The following PIP5K1C variants were observed in gnomAD, a reference collection of about 807,000 sequenced individuals.
PIP5K1C encodes the protein phosphatidylinositol 4-phosphate 5-kinase type-1 gamma.
Under a neutral mutation model 80.1 loss-of-function variants are expected in PIP5K1C, and 45 were observed. That is an observed-to-expected ratio of 0.56 (90% confidence interval 0.44 to 0.72). PIP5K1C has a LOEUF of 0.72. PIP5K1C is among the 30% of genes least tolerant of loss of function. The pLI, the probability that PIP5K1C is intolerant of heterozygous loss-of-function variation, is 0.00. For missense variants in PIP5K1C, 753 were observed against 954.6 expected, an observed-to-expected ratio of 0.79 and a Z score of 2.78; for synonymous variants, 498 against 420.1, an observed-to-expected ratio of 1.19 and a Z score of -2.27.
At chr19:3,639,907 T>G (rs888168784) in intron 15 of PIP5K1C, among the ~76,000 whole-genome samples, 1 of 152,206 alleles carries the variant, frequency 6.6e-6, no homozygotes, top group Non-Finnish European at 1.5e-5. Context: ...GGCCACACGG[T>G]GCATCGTGTT....
chr19:3,687,885 C>T (rs1023509783), intron 1 of PIP5K1C, among the ~76,000 whole-genome samples: 1 of 152,198 alleles, frequency 6.6e-6, no homozygotes, highest in Non-Finnish European at 1.5e-5. Context: ...CGCAGGCGGG[C>T]GGAGCATCCA....
At chr19:3,689,204 C>A (rs1180252694) in intron 1 of PIP5K1C, among the ~76,000 whole-genome samples, 2 of 152,154 alleles carry the variant, frequency 1.3e-5, no homozygotes, top group Non-Finnish European at 1.5e-5. Flanking sequence ...AAATAACACG[C>A]CTTGAAATAA....
At chr19:3,636,929 G>A (rs2033711414) in intron 16 of PIP5K1C, 1 of 1,007,808 alleles carries the variant, frequency 9.9e-7, no homozygotes, top group Non-Finnish European at 1.2e-6. Context: ...GGCCCATGTG[G>A]CGTCCCAGGG....
intron 1 of PIP5K1C, among the ~76,000 whole-genome samples, chr19:3,678,557 A>AGGAGGGAT (rs2035481085): frequency 2.1e-5 from 1 of 47,016 alleles, no homozygotes; most frequent in Non-Finnish European, 4.1e-5. Flanking sequence ...GAGAGATGGA[A>AGGAGGGAT]GGAGGGATGG....
rs1414486752 is a variant in PIP5K1C at position 3,697,074 on chromosome 19, C to A, written c.94+3223G>T. ...CTGGACCGGGGAGGACCGAGCTGGA[C>A]CAAGGAGGACCGAGCTGGACCGAGG... On this transcript the variant is annotated intron_variant, in intron 1 of 17. Transcript: ENST00000335312. Among the ~76,000 whole-genome samples the A allele has an allele frequency of 2.7e-5, 4 of 147,000 alleles. No homozygotes were observed. In the South Asian group the frequency reaches 6.4e-4, roughly 24 times the overall value.
rs577415979 is a variant in PIP5K1C, at chr19:3,647,496, C to G, written c.1212-110G>C. 784 of 942,322 alleles carry G rather than the reference C, an allele frequency of 8.3e-4. 6 individuals are homozygous for G. In the African/African-American group the frequency reaches 0.011, roughly 13 times the overall value. 58.4% of individuals were successfully genotyped at this position (942,322 alleles called of 1,614,324 possible). On this transcript the variant is annotated intron_variant, in intron 9 of 17. Transcript: ENST00000335312. The stretch of plus-strand genomic sequence containing the variant: ...CAGGACACTGGGCCATGGCCTCAAG[C>G]AGTCGTGGCTGTCAAAACTCAGGGT...
chr19:3,667,364 G>C lies in PIP5K1C; in HGVS notation c.95-11C>G. 6.2e-7 allele frequency: 1 copy of C among 1,612,988 alleles called. No homozygotes were observed. Among genetic ancestry groups the C allele is most frequent in the Non-Finnish European group, 8.5e-7 (1 of 1,179,912 alleles). On this transcript the variant is annotated splice_polypyrimidine_tract_variant and intron_variant, in intron 1 of 17. Transcript: ENST00000335312. ...TCTTCTGAGCCAAACCTGCAGAAGA[G>C]ACAAGCTGGGTATCAGACAGGAAAC... is the stretch of plus-strand genomic sequence containing the variant.
intron 1 of PIP5K1C, among the ~76,000 whole-genome samples, chr19:3,676,551 C>T (rs1165798550): frequency 6.6e-6 from 1 of 152,242 alleles, no homozygotes; most frequent in African/African-American, 2.4e-5. Flanking sequence ...TCGCCCCCCA[C>T]GGCCCACTCC....
Position 3,648,454 on chromosome 19 carries a change from T to C in PIP5K1C, c.1211+171A>G, listed in dbSNP as rs1321687927. On this transcript the variant is annotated intron_variant, in intron 9 of 17. Transcript: ENST00000335312. The surrounding 1 kb of genome is among the most constrained non-coding windows in gnomAD (Gnocchi z 4.3). ...CTGTTTCCACGGGCAAGCGCCTCTGTGCATGGGTGTCCTGGGGGCGCCCAT... is the reference window on the plus strand; with the variant it reads ...CTGTTTCCACGGGCAAGCGCCTCTGCGCATGGGTGTCCTGGGGGCGCCCAT... 6.6e-6 allele frequency among the ~76,000 whole-genome samples: 1 copy of C among 152,102 alleles called. No individual in the cohort carries two copies. Among genetic ancestry groups the C allele is most frequent in the African/African-American group, 2.4e-5 (1 of 41,420 alleles).
At chr19:3,670,930 T>C (rs1234341731) in intron 1 of PIP5K1C, among the ~76,000 whole-genome samples, 1 of 152,064 alleles carries the variant, frequency 6.6e-6, no homozygotes, top group Non-Finnish European at 1.5e-5. Context: ...CGCCCCCAGG[T>C]CTCTGACAGG....
chr19:3,694,641 C>G (rs2036045674), intron 1 of PIP5K1C, among the ~76,000 whole-genome samples: 1 of 152,254 alleles, frequency 6.6e-6, no homozygotes, highest in Non-Finnish European at 1.5e-5. Context: ...AGGTCCGACC[C>G]CACGCGACCC....
intron 3 of PIP5K1C, among the ~76,000 whole-genome samples, chr19:3,663,528 CATCAAACCACAGGG>C (rs1376357036): frequency 6.6e-6 from 1 of 152,228 alleles, no homozygotes; most frequent in Non-Finnish European, 1.5e-5. Flanking sequence ...AGGGAAAGCA[CATCAAACCACAGGG>C]GGGCCACGCA....
Position 3,631,702 on chromosome 19 carries a change from A to T in PIP5K1C, c.*1465T>A, listed in dbSNP as rs2033475953. The T allele has an allele frequency of 6.6e-6, 1 of 152,396 alleles. No homozygotes were observed. The highest frequency in any genetic ancestry group is 1.5e-5 in the Non-Finnish European group (1 of 68,190). 9.4% of individuals were successfully genotyped at this position (152,396 alleles called of 1,614,324 possible). ...TCCACAGCAGGGGCCTTCCGGGCGC[A>T]GCGTGTGGGCTGTGCAGGAGGCCGA... On this transcript the variant is annotated 3_prime_UTR_variant, in exon 18 of 18. Transcript: ENST00000335312.
Position 3,652,084 on chromosome 19 carries a change from C to T in PIP5K1C, c.922-53G>A, listed in dbSNP as rs1219462743. ...CGCCGTCAGCCGTCTCTATCCCCCA[C>T]AACGGCTCCCGGACCCTATGGGGTT... On this transcript the variant is annotated intron_variant, in intron 7 of 17. Transcript: ENST00000335312. 3 of 1,566,586 alleles carry T rather than the reference C, an allele frequency of 1.9e-6. No individual in the cohort carries two copies. In the African/African-American group the frequency reaches 4.1e-5, roughly 21 times the overall value.
chr19:3,644,361 C>T, intron 11 of PIP5K1C, 110 bp from the exon 12 acceptor site: 1 of 1,092,200 alleles, frequency 9.2e-7, no homozygotes, highest in East Asian at 2.5e-5. Context: ...CACCAGACCC[C>T]TACCGGTCCC....
chr19:3,678,970 G>A (rs1457140786), intron 1 of PIP5K1C, among the ~76,000 whole-genome samples: 7 of 149,750 alleles, frequency 4.7e-5, no homozygotes, highest in African/African-American at 1.7e-4. Flanking sequence ...GAGGATGAAG[G>A]GATGGCAAGA....
chr19:3,636,914 C>G (rs747563798), intron 16 of PIP5K1C: 1 of 1,006,664 alleles, frequency 9.9e-7, no homozygotes, highest in Non-Finnish European at 1.2e-6. Context: ...CTCACAGCTA[C>G]GTGGGGCCCA....
intron 1 of PIP5K1C, among the ~76,000 whole-genome samples, chr19:3,691,678 T>C (rs980802130): frequency 1.3e-5 from 2 of 152,098 alleles, no homozygotes; most frequent in South Asian, 4.1e-4. Flanking sequence ...CCTGCTCTCT[T>C]GGCCTCACCA....
At position 3,641,768 on chromosome 19, in the gene PIP5K1C, A is replaced by C; in HGVS notation, c.1724T>G (p.Ile575Ser). 1 of 1,612,088 alleles carries C rather than the reference A, an allele frequency of 6.2e-7. No individual in the cohort carries two copies. The highest frequency in any genetic ancestry group is 8.5e-7 in the Non-Finnish European group (1 of 1,179,984). ...GCACGCAGGCTCCACCTGCACTGTAATCTGCTGCAGATCCTCTTCCGCGGG... is the reference window on the plus strand; with the variant it reads ...GCACGCAGGCTCCACCTGCACTGTACTCTGCTGCAGATCCTCTTCCGCGGG... Reference protein sequence around the residue: ...EPPAEEDLQQITVQVEPACSV... With the variant: ...EPPAEEDLQQSTVQVEPACSV... Residue 575 changes from isoleucine (I) to serine (S), a missense_variant, in exon 15 of 18, where the codon ATT becomes AGT. By Grantham distance (142) the Ile-to-Ser change is moderately radical. This residue lies in a region of PIP5K1C where 315 missense variants were observed against 294.5 expected (regional missense o/e 1.07). Transcript: ENST00000335312.
Sources: gnomAD v4.1 joint callset for allele counts (sites outside exome capture counted in the v4.1 genomes callset) on GRCh38, gnomAD v4.1.1 for gene constraint, gnomAD v4.1.1 regional missense constraint, Gnocchi (gnomAD v3.1) non-coding constraint, MANE v1.5 for transcripts, NCBI Gene and HGNC (gene_info 2026-07-23, HGNC 2026-07-21) for gene names.